PODXL: variants seen among roughly 807,000 people sequenced by gnomAD.
PODXL encodes the protein podocalyxin.
PODXL carries 20 observed loss-of-function variants against 48.9 expected under a neutral mutation model. The ratio of observed to expected loss-of-function variants is 0.41; its 90% CI spans 0.29 to 0.59. PODXL has a LOEUF of 0.59. PODXL is among the 20% of genes least tolerant of loss of function. The pLI is 0.31. For missense variants in PODXL, 606 were observed against 675.1 expected, an observed-to-expected ratio of 0.90 and a Z score of 1.13; for synonymous variants, 295 against 287.4, an observed-to-expected ratio of 1.03 and a Z score of -0.27.
rs777140013 is a variant in PODXL at position 131,506,652 on chromosome 7, T to C, written c.1176A>G (p.Gln392=). 5 of 1,614,092 alleles carry C rather than the reference T, an allele frequency of 3.1e-6. No homozygotes were observed. The highest frequency in any genetic ancestry group is 1.6e-4 in the Middle Eastern group (1 of 6,082). The change falls in exon 6 of 9, where the codon CAA becomes CAG. Residue 392 remains glutamine, a synonymous_variant. Transcript: ENST00000378555. ...RAVKATFNPA[Q]DKCGIRLASV... ...ATGCCAGCCGTATGCCGCACTTATCTTGGGCCGGGTTGAAGGTGGCTTTGA... is the reference window on the plus strand; with the variant it reads ...ATGCCAGCCGTATGCCGCACTTATCCTGGGCCGGGTTGAAGGTGGCTTTGA...
In PODXL at chr7:131,501,489, C is replaced by T. The variant is rs1797702381; in HGVS notation, c.*2822G>A. On this transcript the variant is annotated 3_prime_UTR_variant, in exon 9 of 9. Transcript: ENST00000378555. ...TATCAAGCGGGAAAAAAATCTGGTG[C>T]CTAGACTAGATTAAACCCGTATTCT... The T allele has an allele frequency of 6.6e-6, 1 of 152,496 alleles. No individual in the cohort carries two copies. Among genetic ancestry groups the T allele is most frequent in the African/African-American group, 2.4e-5 (1 of 41,406 alleles). The allele number at this position is 152,496 out of a possible 1,614,324, so 9.4% of individuals were successfully genotyped here.
chr7:131,501,747 G>A lies in PODXL; in HGVS notation c.*2564C>T, dbSNP rs1554380491. ...CCTCTTACCTCTTCCCAGACCCAAT[G>A]CTCTCTGAATTATCAGAGAGCATTT... On this transcript the variant is annotated 3_prime_UTR_variant, in exon 9 of 9. Transcript: ENST00000378555. The A allele has an allele frequency of 2.0e-5, 3 of 152,128 alleles. No individual in the cohort carries two copies. The highest frequency in any genetic ancestry group is 4.4e-5 in the Non-Finnish European group (3 of 68,020). 9.4% of individuals were successfully genotyped at this position (152,128 alleles called of 1,614,324 possible). A position where few individuals can be genotyped will look rare whatever the true frequency, so the allele number is the denominator to read the frequency against.
chr7:131,544,009 A>C (rs1164405004), intron 1 of PODXL, among the ~76,000 whole-genome samples: 1 of 152,198 alleles, frequency 6.6e-6, no homozygotes, highest in Non-Finnish European at 1.5e-5. Context: ...GACCATGGGA[A>C]ATACTAAACA....
At chr7:131,520,239 T>C (rs2116811770) in intron 1 of PODXL, 1 of 441,150 alleles carries the variant, frequency 2.3e-6, no homozygotes, top group South Asian at 1.9e-5. Context: ...CTTCCTGGAG[T>C]GGGCTTCAAG....
intron 1 of PODXL, among the ~76,000 whole-genome samples, chr7:131,517,058 T>C (rs927999252): frequency 2.0e-5 from 3 of 152,180 alleles, no homozygotes; most frequent in African/African-American, 7.2e-5. Flanking sequence ...GTGCATCCTA[T>C]AATTGATAGT....
chr7:131,501,920 T>C lies in PODXL; in HGVS notation c.*2391A>G, dbSNP rs1370301512. 6.6e-6 allele frequency: 1 copy of C among 152,204 alleles called. No homozygotes were observed. Among genetic ancestry groups the C allele is most frequent in the South Asian group, 2.1e-4 (1 of 4,828 alleles). The allele number at this position is 152,204 out of a possible 1,614,324, so 9.4% of individuals were successfully genotyped here. On this transcript the variant is annotated 3_prime_UTR_variant, in exon 9 of 9. Transcript: ENST00000378555. ...CCTAGACTAACACAGTTTGGACGAA[T>C]ATAAAGCAGTAACCTCTGAATCAGC...
Position 131,544,221 on chromosome 7 carries a change from G to A in PODXL, c.100+12039C>T, listed in dbSNP as rs562397012. On this transcript the variant is annotated intron_variant, in intron 1 of 8. Coordinates refer to ENST00000378555, the MANE Select transcript of PODXL (RefSeq NM_001018111.3). Reference sequence around the variant, plus strand: ...GCCACCAGCCCTGTGTACATGTGGCGCACCCACACAAATACCCAGCGCTTA... The same window carrying A: ...GCCACCAGCCCTGTGTACATGTGGCACACCCACACAAATACCCAGCGCTTA... Among the ~76,000 whole-genome samples the A allele has an allele frequency of 1.1e-4, 16 of 152,268 alleles. No homozygotes were observed. In the South Asian group the frequency reaches 1.9e-3, roughly 18 times the overall value.
Position 131,509,541 on chromosome 7 carries a change from T to C in PODXL, c.847A>G (p.Met283Val). 1.3e-6 allele frequency: 2 copies of C among 1,598,986 alleles called. No homozygotes were observed. The highest frequency in any genetic ancestry group is 1.7e-6 in the Non-Finnish European group (2 of 1,170,528). ...GAAGGGGCCGTAGAGCTGGCTGGCA[T>C]CTGACTGGAGGTCTGTTGAGTTCTT... ...SQRTQQTSSQMPASSTAPSSQ... is the reference protein window; with the variant it reads ...SQRTQQTSSQVPASSTAPSSQ... Residue 283 changes from methionine (M) to valine (V), a missense_variant, in exon 4 of 9, where the codon ATG (methionine) becomes GTG (valine). Transcript: ENST00000378555.
At chr7:131,524,379 C>CAGAGAGAGAGAGAGAGAGAGAG (rs58163575) in intron 1 of PODXL, among the ~76,000 whole-genome samples, 4,080 of 103,602 alleles carry the variant, frequency 0.039, 205 homozygotes, top group Non-Finnish European at 0.058. Flanking sequence ...CACACACACA[C>CAGAGAGAGAGAGAGAGAGAGAG]AGAGAGAGAG....
At chr7:131,555,651 G>A (rs1309105616) in intron 1 of PODXL, among the ~76,000 whole-genome samples, 1 of 152,204 alleles carries the variant, frequency 6.6e-6, no homozygotes, top group Non-Finnish European at 1.5e-5. Context: ...ACTCAGCCAG[G>A]TGACTCTGGG....
At chr7:131,539,161 AG>A (rs1183722207) in intron 1 of PODXL, among the ~76,000 whole-genome samples, 1 of 152,212 alleles carries the variant, frequency 6.6e-6, no homozygotes, top group Non-Finnish European at 1.5e-5. Flanking sequence ...CTTTAAGGTC[AG>A]TTTAAATGAC....
intron 1 of PODXL, among the ~76,000 whole-genome samples, chr7:131,550,500 G>T (rs928159170): frequency 6.6e-6 from 1 of 152,124 alleles, no homozygotes; most frequent in Non-Finnish European, 1.5e-5. Flanking sequence ...ACAGAAATTA[G>T]CTGGGTGTGG....
rs1797676971 is a variant in PODXL, at chr7:131,500,271, T to TTTACACAAAAACACTTTA, written c.*4022_*4039dup. The TTTACACAAAAACACTTTA allele has an allele frequency of 6.6e-6, 1 of 152,382 alleles. No homozygotes were observed. The highest frequency in any genetic ancestry group is 6.5e-5 in the Admixed American group (1 of 15,290). 9.4% of individuals were successfully genotyped at this position (152,382 alleles called of 1,614,324 possible). A position where few individuals can be genotyped will look rare whatever the true frequency, so the allele number is the denominator to read the frequency against. ...AGGAAACTACTAGAGCTTGAACCAG[T>TTTACACAAAAACACTTTA]TTACACAAAAACACTTTAATTGACA... On this transcript the variant is annotated 3_prime_UTR_variant, in exon 9 of 9. Transcript: ENST00000378555.
chr7:131,508,324 A>G (rs537362606), intron 5 of PODXL, among the ~76,000 whole-genome samples: 2 of 152,288 alleles, frequency 1.3e-5, no homozygotes, highest in Admixed American at 1.3e-4. Flanking sequence ...ATCTCCCAGC[A>G]CTGTTCGTCC....
At chr7:131,551,048 C>T (rs1024885078) in intron 1 of PODXL, among the ~76,000 whole-genome samples, 21 of 152,158 alleles carry the variant, frequency 1.4e-4, no homozygotes, top group Admixed American at 8.5e-4. Context: ...TGCAGGCTGC[C>T]GACTCGAAGC....
chr7:131,506,836 C>A, intron 5 of PODXL, 110 bp from the exon 6 acceptor site: 1 of 1,183,376 alleles, frequency 8.5e-7, no homozygotes, highest in Admixed American at 1.9e-5. Flanking sequence ...GTGCTAGAAC[C>A]TGCCTCCCTC....
intron 1 of PODXL, among the ~76,000 whole-genome samples, chr7:131,544,241 C>T (rs896125091): frequency 3.9e-5 from 6 of 152,204 alleles, no homozygotes; most frequent in African/African-American, 1.4e-4. Context: ...AAATACCCAG[C>T]GCTTAGCCAA....
intron 1 of PODXL, among the ~76,000 whole-genome samples, chr7:131,522,399 T>G (rs955053402): frequency 2.0e-5 from 3 of 152,032 alleles, no homozygotes; most frequent in Non-Finnish European, 4.4e-5. Flanking sequence ...GAGCTGAGAT[T>G]GTGCCACAGC....
intron 1 of PODXL, among the ~76,000 whole-genome samples, chr7:131,524,379 C>CACACACACAGAGAG (rs746255906): frequency 3.8e-5 from 4 of 104,106 alleles, no homozygotes; most frequent in African/African-American, 1.1e-4. Context: ...CACACACACA[C>CACACACACAGAGAG]AGAGAGAGAG....
Sources: allele counts gnomAD v4.1 joint callset (sites outside exome capture counted in the v4.1 genomes callset), GRCh38; gene constraint gnomAD v4.1.1; transcripts MANE v1.5; gene names NCBI Gene and HGNC (gene_info 2026-07-23, HGNC 2026-07-21).